The following BUD13 variants were observed in gnomAD, a reference collection of about 807,000 sequenced individuals.
BUD13 encodes the protein BUD13 spliceosome associated protein, also known as BUD13 homolog.
Under a neutral mutation model 62.5 loss-of-function variants are expected in BUD13, and 47 were observed. The observed-to-expected ratio is 0.75, with a 90% confidence interval of 0.60 to 0.96. The LOEUF (loss-of-function observed/expected upper bound fraction) is 0.96. Ranked by LOEUF, BUD13 falls within the 40% of genes least tolerant of loss-of-function variation. The pLI is 0.00. For synonymous variants in BUD13, 293 were observed against 280.1 expected, an observed-to-expected ratio of 1.05 and a Z score of -0.46; for missense variants, 821 against 790.9, an observed-to-expected ratio of 1.04 and a Z score of -0.46.
chr11:116,772,890 G>A lies in BUD13; in HGVS notation c.75C>T (p.Asp25=), dbSNP rs1332491582. 1.3e-6 allele frequency: 2 copies of A among 1,589,690 alleles called. No homozygotes were observed. Among genetic ancestry groups the A allele is most frequent in the African/African-American group, 1.4e-5 (1 of 73,308 alleles). ...RYLSGADAGV[D]RGSESGRKRR... ...GCTTGCGACCGGACTCAGATCCCCGGTCGACGCCGGCATCTGCCCCGGACA... is the reference window on the plus strand; with the variant it reads ...GCTTGCGACCGGACTCAGATCCCCGATCGACGCCGGCATCTGCCCCGGACA... The change falls in exon 1 of 10, where the codon GAC becomes GAT. Residue 25 remains aspartate (D), a synonymous_variant. Coordinates refer to ENST00000260210, the MANE Select transcript of BUD13 (RefSeq NM_032725.4).
rs778340797 is a variant in BUD13 at position 116,757,189 on chromosome 11, T to C, written c.1723A>G (p.Arg575Gly). 2 of 1,614,230 alleles carry C rather than the reference T, an allele frequency of 1.2e-6. No homozygotes were observed. Among genetic ancestry groups the C allele is most frequent in the Non-Finnish European group, 1.7e-6 (2 of 1,180,024 alleles). ...CGATATCCAGGCCAGATATTAAATC[T>C]GTTGGGAGGAGGTGCTGGACCACTG... is the stretch of plus-strand genomic sequence containing the variant. ...RYSGPAPPPN[R>G]FNIWPGYRWD... Residue 575 changes from arginine (R) to glycine (G), a missense_variant, in exon 9 of 10, where the codon AGA becomes GGA. Physicochemically the swap from Arg to Gly is moderately radical, Grantham distance 125 (BLOSUM62 -2). Around this residue, in one of 2 missense-constraint regions of BUD13, gnomAD observed 800 missense variants for 739.2 expected, o/e 1.08. Transcript: ENST00000260210.
chr11:116,769,423 C>T (rs1940584510), intron 2 of BUD13, among the ~76,000 whole-genome samples: 1 of 152,174 alleles, frequency 6.6e-6, no homozygotes, highest in African/African-American at 2.4e-5. Flanking sequence ...ATCTCCAGTA[C>T]TTAGGCAAGA....
chr11:116,748,997 A>G (rs531392374), intron 9 of BUD13, among the ~76,000 whole-genome samples: 2 of 151,434 alleles, frequency 1.3e-5, no homozygotes, highest in African/African-American at 4.8e-5. Context: ...AAAAAAAAAA[A>G]AAAAGAAAGA....
intron 4 of BUD13, among the ~76,000 whole-genome samples, chr11:116,761,346 T>C (rs1158155740): frequency 6.6e-6 from 1 of 152,180 alleles, no homozygotes; most frequent in Non-Finnish European, 1.5e-5. Flanking sequence ...CCACCATGCC[T>C]GGCCAAAGAG....
At chr11:116,760,332 A>G (rs1412334015) in intron 5 of BUD13, among the ~76,000 whole-genome samples, 3 of 152,252 alleles carry the variant, frequency 2.0e-5, no homozygotes, top group Non-Finnish European at 4.4e-5. Flanking sequence ...GATATTAAGC[A>G]TCTTGCCCAA....
chr11:116,768,135 C>G (rs543089669), intron 2 of BUD13, among the ~76,000 whole-genome samples: 178 of 152,178 alleles, frequency 1.2e-3, no homozygotes, highest in Non-Finnish European at 2.3e-3. Flanking sequence ...GAACCATACC[C>G]TTTGATCCAC....
At chr11:116,748,647 G>T in intron 9 of BUD13, 72 bp from the exon 10 acceptor site, 1 of 1,409,742 alleles carries the variant, frequency 7.1e-7, no homozygotes, top group Non-Finnish European at 1.0e-6. Context: ...AAAGGGAAGA[G>T]TTCACAATAT....
chr11:116,757,236 A>G lies in BUD13; in HGVS notation c.1685-9T>C. 6.2e-7 allele frequency: 1 copy of G among 1,609,598 alleles called. No individual in the cohort carries two copies. Among genetic ancestry groups the G allele is most frequent in the African/African-American group, 1.3e-5 (1 of 74,952 alleles). On this transcript the variant is annotated splice_polypyrimidine_tract_variant and intron_variant, in intron 8 of 9. Transcript: ENST00000260210. ...ACTGTAGCGAGGTCTCACTAATGAGAGGAGTAAGAAAAAAGTATTCAGTTA... is the reference window on the plus strand; with the variant it reads ...ACTGTAGCGAGGTCTCACTAATGAGGGGAGTAAGAAAAAAGTATTCAGTTA...
At chr11:116,765,506 T>C (rs1444594902) in intron 2 of BUD13, 60 bp from the exon 3 acceptor site, 1 of 1,579,678 alleles carries the variant, frequency 6.3e-7, no homozygotes, top group Non-Finnish European at 8.7e-7. Flanking sequence ...AGAAGCACTG[T>C]CTCAAGAACC....
intron 9 of BUD13, among the ~76,000 whole-genome samples, chr11:116,755,723 T>C (rs754834004): frequency 6.6e-5 from 10 of 152,220 alleles, no homozygotes; most frequent in Non-Finnish European, 1.3e-4. Context: ...ATCAATGCCA[T>C]CCTTCTGTTT....
chr11:116,764,854 A>G lies in BUD13; in HGVS notation c.322+508T>C, dbSNP rs149527022. Among the ~76,000 whole-genome samples, 54 of 152,338 alleles carry G rather than the reference A, an allele frequency of 3.5e-4. No homozygotes were observed. In the East Asian group the frequency reaches 0.01, roughly 29 times the overall value. On this transcript the variant is annotated intron_variant, in intron 3 of 9. Coordinates refer to ENST00000260210, the MANE Select transcript of BUD13 (RefSeq NM_032725.4). The stretch of plus-strand genomic sequence containing the variant: ...TTAAATTAAGATTATTAGCTTAGGA[A>G]GAGTCCAAAGTGGGCAAGTGGAGGG...
In BUD13 at chr11:116,763,264, G is replaced by A. The variant is rs374697906; in HGVS notation, c.325C>T (p.His109Tyr). 6 of 1,527,042 alleles carry A rather than the reference G, an allele frequency of 3.9e-6. No individual in the cohort carries two copies. Among genetic ancestry groups the A allele is most frequent in the Non-Finnish European group, 5.3e-6 (6 of 1,138,296 alleles). 94.6% of individuals were successfully genotyped at this position (1,527,042 alleles called of 1,614,324 possible). The change falls in exon 4 of 10, where the codon CAC becomes TAC. Residue 109 changes from histidine (H) to tyrosine (Y), a missense_variant and splice_region_variant. Coordinates refer to ENST00000260210, the MANE Select transcript of BUD13 (RefSeq NM_032725.4). ...CTGTTTGAGGGTAGGTCTTCGTTGT[G>A]GCCTAAACACAAATAACAAAGAGTC... Reference protein sequence around the residue: ...SSAKWKLLGGHNEDLPSNRHF... With the variant: ...SSAKWKLLGGYNEDLPSNRHF...
At chr11:116,763,663 C>T (rs1940479304) in intron 3 of BUD13, among the ~76,000 whole-genome samples, 1 of 152,124 alleles carries the variant, frequency 6.6e-6, no homozygotes, top group Non-Finnish European at 1.5e-5. Context: ...CTTCTAACTC[C>T]CAGTCCAATG....
chr11:116,770,658 C>T (rs1212382960), intron 1 of BUD13, among the ~76,000 whole-genome samples: 3 of 152,276 alleles, frequency 2.0e-5, no homozygotes, highest in South Asian at 2.1e-4. Context: ...CCACGCCTGG[C>T]TAATTTTTTG....
chr11:116,760,162 T>C (rs1214179376), intron 5 of BUD13, among the ~76,000 whole-genome samples: 3 of 152,246 alleles, frequency 2.0e-5, no homozygotes, highest in African/African-American at 4.8e-5. Context: ...CAGAGACCTA[T>C]AGTCCAATTT....
rs777226539 is a variant in BUD13 at position 116,762,644 on chromosome 11, G to T, written c.945C>A (p.Asn315Lys). The change falls in exon 4 of 10, where the codon AAC becomes AAA. Residue 315 changes from asparagine (N) to lysine (K), a missense_variant. Transcript: ENST00000260210. ...SGASHLSFPK[N>K]SKYEYDPDIS... ...TGTCAGGGTCATACTCATATTTGCT[G>T]TTCTTTGGGAATGACAAATGGGAGG... is the stretch of plus-strand genomic sequence containing the variant. 6.2e-7 allele frequency: 1 copy of T among 1,614,060 alleles called. No individual in the cohort carries two copies. Among genetic ancestry groups the T allele is most frequent in the African/African-American group, 1.3e-5 (1 of 74,914 alleles).
intron 5 of BUD13, 181 bp downstream of exon 5, chr11:116,760,554 C>T: frequency 3.3e-6 from 2 of 600,544 alleles, no homozygotes. Flanking sequence ...GTAAGTCCAT[C>T]TGGGATGGGT....
chr11:116,755,471 TA>T (rs1940306234), intron 9 of BUD13, among the ~76,000 whole-genome samples: 1 of 152,204 alleles, frequency 6.6e-6, no homozygotes, highest in African/African-American at 2.4e-5. Flanking sequence ...AAAAAATTAA[TA>T]TAACAGTAAG....
In BUD13 at chr11:116,762,674, T is replaced by C. The variant is rs763155490; in HGVS notation, c.915A>G (p.Ser305=). The change falls in exon 4 of 10, where the codon TCA becomes TCG. Residue 305 remains serine, a synonymous_variant. Coordinates refer to ENST00000260210, the MANE Select transcript of BUD13 (RefSeq NM_032725.4). ...TTGGGAATGACAAATGGGAGGCTCCTGACTCCTTCCAATGTGGAGAAGTCT... is the reference window on the plus strand; with the variant it reads ...TTGGGAATGACAAATGGGAGGCTCCCGACTCCTTCCAATGTGGAGAAGTCT... ...SSKTSPHWKE[S]GASHLSFPKN... is the part of the protein sequence containing the mutation. 34 of 1,614,232 alleles carry C rather than the reference T, an allele frequency of 2.1e-5. No homozygotes were observed. Among genetic ancestry groups the C allele is most frequent in the Non-Finnish European group, 2.6e-5 (31 of 1,180,026 alleles).
Sources: gnomAD v4.1 joint callset for allele counts (sites outside exome capture counted in the v4.1 genomes callset) on GRCh38, gnomAD v4.1.1 for gene constraint, gnomAD v4.1.1 regional missense constraint, MANE v1.5 for transcripts, NCBI Gene and HGNC (gene_info 2026-07-23, HGNC 2026-07-21) for gene names.